Variants in RNF220 observed in about 807,000 individuals in gnomAD.
RNF220 encodes the protein ring finger protein 220.
In RNF220, 7 loss-of-function variants were observed where a neutral mutation model predicts 67.1. The observed-to-expected ratio is 0.10, with a 90% confidence interval of 0.06 to 0.20. The LOEUF (loss-of-function observed/expected upper bound fraction) is 0.20, where lower values mean the gene tolerates loss of function less well. Ranked by LOEUF, RNF220 falls within the 10% of genes least tolerant of loss-of-function variation. The pLI, the probability that RNF220 is intolerant of heterozygous loss-of-function variation, is 1.00. For synonymous variants in RNF220, 270 were observed against 283.2 expected, an observed-to-expected ratio of 0.95 and a Z score of 0.47; for missense variants, 565 against 740.3, an observed-to-expected ratio of 0.76 and a Z score of 2.75.
chr1:44,447,827 G>A (rs1652258473), intron 2 of RNF220, among the ~76,000 whole-genome samples: 1 of 152,166 alleles, frequency 6.6e-6, no homozygotes, highest in Non-Finnish European at 1.5e-5. Context: ...CAAAGCTGAT[G>A]CTCTGCCCCT....
At chr1:44,526,920 C>T (rs2148176806) in intron 2 of RNF220, among the ~76,000 whole-genome samples, 1 of 152,254 alleles carries the variant, frequency 6.6e-6, no homozygotes, top group Non-Finnish European at 1.5e-5. Context: ...GCTTCTCTGA[C>T]TCATCTCTTT....
chr1:44,462,143 C>T (rs1404546330), intron 2 of RNF220, among the ~76,000 whole-genome samples: 4 of 151,862 alleles, frequency 2.6e-5, no homozygotes, highest in African/African-American at 9.7e-5. Context: ...CCATGTTGGC[C>T]AGGCTCATCT....
At chr1:44,416,901 T>C (rs1313872841) in intron 2 of RNF220, among the ~76,000 whole-genome samples, 5 of 151,480 alleles carry the variant, frequency 3.3e-5, no homozygotes, top group Non-Finnish European at 5.9e-5. Context: ...CTCTGTGTCT[T>C]TATATAAAGG....
intron 1 of RNF220, among the ~76,000 whole-genome samples, chr1:44,406,650 C>G (rs1388044193): frequency 6.6e-6 from 1 of 152,240 alleles, no homozygotes; most frequent in Non-Finnish European, 1.5e-5. Context: ...AACCCAGCCC[C>G]GCCACCGCAC....
At chr1:44,453,950 A>G (rs554657074) in intron 2 of RNF220, among the ~76,000 whole-genome samples, 45 of 152,336 alleles carry the variant, frequency 3.0e-4, no homozygotes, top group African/African-American at 1.1e-3. Flanking sequence ...GCATTTTGTT[A>G]TTAATAGTTG....
At chr1:44,633,060 G>T (rs1048631104) in intron 6 of RNF220, among the ~76,000 whole-genome samples, 1 of 152,162 alleles carries the variant, frequency 6.6e-6, no homozygotes, top group Non-Finnish European at 1.5e-5. Context: ...TGTGGTATCT[G>T]GGGGGTGGCT....
chr1:44,570,510 G>A (rs758401156), intron 2 of RNF220, among the ~76,000 whole-genome samples: 5 of 152,148 alleles, frequency 3.3e-5, no homozygotes, highest in Non-Finnish European at 4.4e-5. Flanking sequence ...CAGAGGGGTC[G>A]GATAATGTCC....
chr1:44,498,744 G>A (rs1657568228), intron 2 of RNF220, among the ~76,000 whole-genome samples: 1 of 151,992 alleles, frequency 6.6e-6, no homozygotes, highest in African/African-American at 2.4e-5. Context: ...TGGATCGCTG[G>A]GCCCCACGCC....
chr1:44,531,197 A>G (rs937146540), intron 2 of RNF220, among the ~76,000 whole-genome samples: 1 of 152,152 alleles, frequency 6.6e-6, no homozygotes, highest in African/African-American at 2.4e-5. Context: ...TGTAATCCTC[A>G]AGGTAAATCC....
At chr1:44,603,247 C>T (rs117157328) in intron 2 of RNF220, among the ~76,000 whole-genome samples, 313 of 152,342 alleles carry the variant, frequency 2.1e-3, no homozygotes, top group African/African-American at 7.0e-3. Context: ...TTTCAGCCGC[C>T]GGTCCGCTGT....
At chr1:44,557,470 G>A (rs74070517) in intron 2 of RNF220, among the ~76,000 whole-genome samples, 3,034 of 151,586 alleles carry the variant, frequency 0.02, 93 homozygotes, top group African/African-American at 0.069. Context: ...GAAGGAGAGC[G>A]AAACTGTTCA....
At chr1:44,461,711 G>A (rs996449788) in intron 2 of RNF220, among the ~76,000 whole-genome samples, 3 of 152,138 alleles carry the variant, frequency 2.0e-5, no homozygotes, top group African/African-American at 7.2e-5. Flanking sequence ...CAGGGGACAT[G>A]AATGTGTCCT....
chr1:44,492,855 G>C (rs1656975076), intron 2 of RNF220, among the ~76,000 whole-genome samples: 1 of 151,986 alleles, frequency 6.6e-6, no homozygotes, highest in Non-Finnish European at 1.5e-5. Context: ...CAAGCCAACT[G>C]TTTTAATGTA....
chr1:44,473,509 G>A (rs1270642389), intron 2 of RNF220, among the ~76,000 whole-genome samples: 2 of 148,346 alleles, frequency 1.3e-5, no homozygotes, highest in African/African-American at 2.5e-5. Flanking sequence ...GGGGCGGGGC[G>A]GGTCTCAGAA....
At chr1:44,529,237 C>T (rs571737993) in intron 2 of RNF220, among the ~76,000 whole-genome samples, 3 of 151,718 alleles carry the variant, frequency 2.0e-5, no homozygotes, top group South Asian at 4.2e-4. Context: ...ATAGTATAAT[C>T]ATATGATAAA....
At chr1:44,632,226 C>T in intron 5 of RNF220, 117 bp from the exon 6 acceptor site, 2 of 1,612,388 alleles carry the variant, frequency 1.2e-6, no homozygotes, top group South Asian at 1.1e-5. Context: ...TGTTTACGGG[C>T]TGTTTGGGGC....
intron 2 of RNF220, among the ~76,000 whole-genome samples, chr1:44,589,008 T>G (rs1665913370): frequency 6.6e-6 from 1 of 152,238 alleles, no homozygotes. Context: ...AGGCTGTGTC[T>G]TCTCTCTGAG....
intron 2 of RNF220, among the ~76,000 whole-genome samples, chr1:44,572,392 CTT>C (rs1274229375): frequency 4.6e-5 from 7 of 152,186 alleles, no homozygotes; most frequent in Admixed American, 2.0e-4. Flanking sequence ...GGAAGGGACT[CTT>C]TGAAACCCAG....
chr1:44,561,145 A>T (rs1477593091), intron 2 of RNF220, among the ~76,000 whole-genome samples: 1 of 152,234 alleles, frequency 6.6e-6, no homozygotes, highest in Non-Finnish European at 1.5e-5. Context: ...TGTGATAAAG[A>T]TACTGAACTA....
Sources: allele counts gnomAD v4.1 joint callset (sites outside exome capture counted in the v4.1 genomes callset), GRCh38; gene constraint gnomAD v4.1.1; transcripts MANE v1.5; gene names NCBI Gene and HGNC (gene_info 2026-07-23, HGNC 2026-07-21).